The following NUP214 variants were observed in gnomAD, a reference collection of about 807,000 sequenced individuals.
The protein encoded by NUP214 is nucleoporin 214, also known as nuclear pore complex protein Nup214.
A neutral mutation model predicts 196.2 loss-of-function variants in NUP214; 79 were observed. The ratio of observed to expected loss-of-function variants is 0.40; its 90% CI spans 0.34 to 0.49. NUP214 has a LOEUF of 0.49. NUP214 is among the 20% of genes least tolerant of loss of function. NUP214 has a pLI of 0.58. For synonymous variants in NUP214, 1,020 were observed against 990.5 expected (o/e 1.03, Z -0.56); for missense variants, 2,468 against 2,539.0 (o/e 0.97, Z 0.60).
Position 131,192,941 on chromosome 9 carries a change from CAAAAAAAAAAAAAA to C in NUP214, c.3659+663_3659+676del, listed in dbSNP as rs34653431. Among the ~76,000 whole-genome samples the C allele has an allele frequency of 2.9e-4, 9 of 31,056 alleles. No individual in the cohort carries two copies. In the East Asian group the frequency reaches 3.5e-3, roughly 12 times the overall value. The allele number at this position is 31,056 out of a possible 152,430, so 20.4% of individuals were successfully genotyped here. A position where few individuals can be genotyped will look rare whatever the true frequency, so the allele number is the denominator to read the frequency against. On this transcript the variant is annotated intron_variant, in intron 27 of 35. Transcript: ENST00000359428. ...GGGCAACAGAGTGAAACCCCGTCTCCAAAAAAAAAAAAAAAAAAAAAAAAAAAGGCTTACTGCAT... is the reference window on the plus strand; with the variant it reads ...GGGCAACAGAGTGAAACCCCGTCTCCAAAAAAAAAAAAAGGCTTACTGCAT...
At chr9:131,213,751 C>CTACTGTTGTTGT (rs1834312795) in intron 30 of NUP214, among the ~76,000 whole-genome samples, 1 of 147,532 alleles carries the variant, frequency 6.8e-6, no homozygotes, top group Admixed American at 6.8e-5. Flanking sequence ...TGAATTGGTA[C>CTACTGTTGTTGT]TGTTGTTGTT....
At chr9:131,206,567 C>T (rs1442563385) in intron 30 of NUP214, among the ~76,000 whole-genome samples, 1 of 151,964 alleles carries the variant, frequency 6.6e-6, no homozygotes, top group African/African-American at 2.4e-5. Flanking sequence ...ATCAGTTCTC[C>T]AGAATAGCTA....
rs781123945 is a variant in NUP214, at chr9:131,195,391, TCTTA to T, written c.3721+103_3721+106del. The stretch of plus-strand genomic sequence containing the variant: ...TGTTAGTATTTGACTTGTTCCTGAA[TCTTA>T]CTTACAGTATCTGCAATAAGCTCAG... On this transcript the variant is annotated intron_variant, in intron 28 of 35. Coordinates refer to ENST00000359428, the MANE Select transcript of NUP214 (RefSeq NM_005085.4). 19 of 968,470 alleles carry T rather than the reference TCTTA, an allele frequency of 2.0e-5. No individual in the cohort carries two copies. In the East Asian group the frequency reaches 2.2e-4, roughly 11 times the overall value. 60.0% of individuals were successfully genotyped at this position (968,470 alleles called of 1,614,324 possible). A position where few individuals can be genotyped will look rare whatever the true frequency, so the allele number is the denominator to read the frequency against.
intron 31 of NUP214, among the ~76,000 whole-genome samples, chr9:131,219,666 C>A (rs1397984979): frequency 6.6e-6 from 1 of 152,204 alleles, no homozygotes; most frequent in Admixed American, 6.5e-5. Context: ...GGACCTGTTG[C>A]CTCCTTTAGT....
chr9:131,211,082 ATTAAT>A (rs1834229340), intron 30 of NUP214, among the ~76,000 whole-genome samples: 1 of 152,336 alleles, frequency 6.6e-6, no homozygotes, highest in South Asian at 2.1e-4. Flanking sequence ...GTCTGTTCAA[ATTAAT>A]TTAATCATTC....
At chr9:131,155,579 T>A (rs1832411321) in intron 17 of NUP214, among the ~76,000 whole-genome samples, 1 of 152,234 alleles carries the variant, frequency 6.6e-6, no homozygotes, top group South Asian at 2.1e-4. Context: ...AGAGTTTTTC[T>A]GATGTTATCT....
chr9:131,145,234 A>C (rs1422093529), intron 12 of NUP214, among the ~76,000 whole-genome samples: 8 of 152,014 alleles, frequency 5.3e-5, no homozygotes. Flanking sequence ...GTGGCTGCTC[A>C]CTGCTAATTC....
At position 131,217,396 on chromosome 9, in the gene NUP214, A is replaced by G. The variant is rs144762158; in HGVS notation, c.5749+2028A>G. Among the ~76,000 whole-genome samples the G allele has an allele frequency of 7.8e-4, 119 of 152,350 alleles. 1 individual carries two copies. Among genetic ancestry groups the G allele is most frequent in the African/African-American group, 2.3e-3 (95 of 41,576 alleles). On this transcript the variant is annotated intron_variant, in intron 31 of 35. Coordinates refer to ENST00000359428, the MANE Select transcript of NUP214 (RefSeq NM_005085.4). Reference sequence around the variant, plus strand: ...TAGTTTTCAAAAACTGTTTTTGCCAATGAACTCTTAAGTAGCATCCTGATA... The same window carrying G: ...TAGTTTTCAAAAACTGTTTTTGCCAGTGAACTCTTAAGTAGCATCCTGATA...
chr9:131,166,120 C>T (rs889539298), intron 21 of NUP214, among the ~76,000 whole-genome samples: 7 of 152,206 alleles, frequency 4.6e-5, no homozygotes, highest in African/African-American at 1.7e-4. Context: ...TTTTATGTTA[C>T]ATTTTACCAA....
intron 16 of NUP214, among the ~76,000 whole-genome samples, chr9:131,151,258 C>T (rs560160685): frequency 7.9e-5 from 12 of 152,328 alleles, no homozygotes; most frequent in African/African-American, 2.4e-4. Context: ...TATTATCTCA[C>T]TGAATCCTCA....
chr9:131,135,010 CAG>C lies in NUP214; in HGVS notation c.938+11_938+12del. ...CTCAGTTACATTGAGGAATGGTGAG[CAG>C]AGAGTCTGGACAGGGCATTCCTGCT... On this transcript the variant is annotated splice_region_variant and intron_variant, in intron 8 of 35. Transcript: ENST00000359428. 1 of 1,589,652 alleles carries C rather than the reference CAG, an allele frequency of 6.3e-7. No individual in the cohort carries two copies. The highest frequency in any genetic ancestry group is 8.6e-7 in the Non-Finnish European group (1 of 1,158,026).
At chr9:131,229,745 G>A in intron 33 of NUP214, 1 of 519,008 alleles carries the variant, frequency 1.9e-6, no homozygotes, top group Non-Finnish European at 3.8e-6. Flanking sequence ...AAGGGAGCAG[G>A]CCGCTCCTGG....
At chr9:131,199,543 C>A (rs1002006057) in intron 29 of NUP214, among the ~76,000 whole-genome samples, 2 of 152,152 alleles carry the variant, frequency 1.3e-5, no homozygotes, top group African/African-American at 2.4e-5. Context: ...GATTTGGGTT[C>A]TTTTCTATTT....
chr9:131,190,772 T>A (rs1213836548), intron 26 of NUP214: 1 of 252,098 alleles, frequency 4.0e-6, no homozygotes, highest in Non-Finnish European at 7.5e-6. Context: ...TGAGGTTACT[T>A]CATTGTTTTT....
chr9:131,175,922 A>G, intron 23 of NUP214: 1 of 301,022 alleles, frequency 3.3e-6, no homozygotes, highest in Non-Finnish European at 6.1e-6. Flanking sequence ...ATGTCTGCTT[A>G]GAGCCCTAAA....
chr9:131,179,917 C>A (rs1199045879), intron 24 of NUP214, among the ~76,000 whole-genome samples: 2 of 152,144 alleles, frequency 1.3e-5, no homozygotes, highest in African/African-American at 4.8e-5. Context: ...GCCAGATTCC[C>A]AGCATAGGGA....
At position 131,139,398 on chromosome 9, in the gene NUP214, A is replaced by G; in HGVS notation, c.1123A>G (p.Ile375Val). 1 of 1,605,380 alleles carries G rather than the reference A, an allele frequency of 6.2e-7. No homozygotes were observed. Among genetic ancestry groups the G allele is most frequent in the Non-Finnish European group, 8.5e-7 (1 of 1,177,154 alleles). Residue 375 changes from isoleucine (I) to valine (V), a missense_variant, in exon 10 of 36, where the codon ATC becomes GTC. Coordinates refer to ENST00000359428, the MANE Select transcript of NUP214 (RefSeq NM_005085.4). ...VVVDYTNQVE[I>V]TISDEKTLPP... is the part of the protein sequence containing the mutation. ...CGTAGACTATACAAACCAAGTGGAA[A>G]TCACCATCAGTAAGTGTAGCCTGGT...
chr9:131,125,658 G>C lies in NUP214; in HGVS notation c.-47G>C, dbSNP rs780842178. 1 of 1,545,682 alleles carries C rather than the reference G, an allele frequency of 6.5e-7. No individual in the cohort carries two copies. The highest frequency in any genetic ancestry group is 8.7e-7 in the Non-Finnish European group (1 of 1,143,946). ...GAGCGGCCTGGGTTCCGTGGGCAAG[G>C]CCGTGGGAGGCAGCGTTGGCTGCTT... On this transcript the variant is annotated 5_prime_UTR_variant, in exon 1 of 36. Transcript: ENST00000359428. The surrounding 1 kb of genome is among the most constrained non-coding windows in gnomAD (Gnocchi z 4.1).
At chr9:131,206,126 A>T (rs991081646) in intron 30 of NUP214, among the ~76,000 whole-genome samples, 6 of 74,932 alleles carry the variant, frequency 8.0e-5, no homozygotes, top group African/African-American at 2.9e-4. Flanking sequence ...ACATTATTCC[A>T]CATAGAATTT....
Sources: allele counts gnomAD v4.1 joint callset (sites outside exome capture counted in the v4.1 genomes callset), GRCh38; gene constraint gnomAD v4.1.1; non-coding constraint Gnocchi (gnomAD v3.1); transcripts MANE v1.5; gene names NCBI Gene and HGNC (gene_info 2026-07-23, HGNC 2026-07-21).